Variants in KIF26B observed in about 807,000 individuals in gnomAD.
The protein encoded by KIF26B is kinesin family member 26B.
In KIF26B, 63 loss-of-function variants were observed where a neutral mutation model predicts 151.2. The observed-to-expected ratio is 0.42, with a 90% CI of 0.34 to 0.51. The LOEUF (loss-of-function observed/expected upper bound fraction) is 0.51, where lower values mean the gene tolerates loss of function less well. KIF26B is among the 20% of genes least tolerant of loss of function. The pLI is 0.07. For missense variants in KIF26B, 2,813 were observed against 2,913.6 expected, an observed-to-expected ratio of 0.97 and a Z score of 0.79; for synonymous variants, 1,357 against 1,262.1, an observed-to-expected ratio of 1.08 and a Z score of -1.59.
chr1:245,314,294 A>C (rs960369696), intron 2 of KIF26B, among the ~76,000 whole-genome samples: 43 of 151,482 alleles, frequency 2.8e-4, no homozygotes, highest in African/African-American at 9.7e-4. Flanking sequence ...CTAAAAATAC[A>C]AAAAAAAATT....
At chr1:245,670,133 AATAAAT>A (rs1282016361) in intron 10 of KIF26B, among the ~76,000 whole-genome samples, 1 of 152,086 alleles carries the variant, frequency 6.6e-6, no homozygotes, top group Non-Finnish European at 1.5e-5. Context: ...TATTAAATAA[AATAAAT>A]AAATATAAAC....
chr1:245,681,121 C>T (rs2044430445), intron 10 of KIF26B, among the ~76,000 whole-genome samples: 1 of 152,002 alleles, frequency 6.6e-6, no homozygotes, highest in Admixed American at 6.5e-5. Flanking sequence ...AGAATACACA[C>T]ACCCAGAAAA....
chr1:245,193,259 T>C (rs1194717019), intron 2 of KIF26B, among the ~76,000 whole-genome samples: 2 of 152,248 alleles, frequency 1.3e-5, no homozygotes, highest in African/African-American at 2.4e-5. Context: ...ATGAGCCACA[T>C]TTTCTTTATC....
intron 4 of KIF26B, among the ~76,000 whole-genome samples, chr1:245,430,994 A>G (rs1473893739): frequency 1.3e-5 from 2 of 152,314 alleles, no homozygotes; most frequent in East Asian, 3.9e-4. Flanking sequence ...AACACTCAAG[A>G]AATGTTTGTT....
chr1:245,322,217 T>C (rs1042759631), intron 2 of KIF26B, among the ~76,000 whole-genome samples: 1 of 151,236 alleles, frequency 6.6e-6, no homozygotes, highest in African/African-American at 2.4e-5. Context: ...CACCGGGGCC[T>C]GTGGGGGATG....
rs1163169323 is a variant in KIF26B at position 245,227,725 on chromosome 1, GTGT to G, written c.465+71043_465+71045del. On this transcript the variant is annotated intron_variant, in intron 2 of 14. Coordinates refer to ENST00000407071, the MANE Select transcript of KIF26B (RefSeq NM_018012.4). This position sits in a 1 kb window ranked among gnomAD's most constrained non-coding sequence, Gnocchi z 4.1. ...CATTAAAAAAACACTCTGAGGCTGG[GTGT>G]GGTGGCTCACGCCTGTGATTCCAGC... 6.6e-6 allele frequency among the ~76,000 whole-genome samples: 1 copy of G among 152,190 alleles called. No homozygotes were observed. Among genetic ancestry groups the G allele is most frequent in the Non-Finnish European group, 1.5e-5 (1 of 68,034 alleles).
chr1:245,462,842 CAGTGTG>C (rs1659679601), intron 4 of KIF26B, among the ~76,000 whole-genome samples: 2 of 94,054 alleles, frequency 2.1e-5, no homozygotes, highest in Non-Finnish European at 4.3e-5. Context: ...GTGAAGAAAT[CAGTGTG>C]AATGAATGAA....
intron 14 of KIF26B, 79 bp downstream of exon 14, chr1:245,699,116 C>G (rs1197365459): frequency 7.0e-7 from 1 of 1,432,280 alleles, no homozygotes; most frequent in African/African-American, 1.4e-5. Flanking sequence ...CCCAGGGTGA[C>G]AGTGACACAG....
intron 2 of KIF26B, chr1:245,353,895 G>A (rs908593476): frequency 1.3e-5 from 2 of 152,598 alleles, no homozygotes; most frequent in East Asian, 1.9e-4. Flanking sequence ...CAGGATGGAC[G>A]GTGAAATTCT....
chr1:245,235,297 G>A (rs555636769), intron 2 of KIF26B, among the ~76,000 whole-genome samples: 7 of 152,186 alleles, frequency 4.6e-5, no homozygotes, highest in African/African-American at 1.2e-4. Context: ...TTAAATTTCC[G>A]TTAAGACATA....
chr1:245,187,699 TG>T (rs1669023768), intron 2 of KIF26B, among the ~76,000 whole-genome samples: 1 of 152,096 alleles, frequency 6.6e-6, no homozygotes, highest in Non-Finnish European at 1.5e-5. Context: ...GTTTTCTGAG[TG>T]GGTTTGAGTA....
intron 10 of KIF26B, among the ~76,000 whole-genome samples, chr1:245,648,241 G>A (rs2043975035): frequency 6.6e-6 from 1 of 152,184 alleles, no homozygotes; most frequent in South Asian, 2.1e-4. Flanking sequence ...ATAAATAGTT[G>A]TTGAATTGAT....
intron 14 of KIF26B, among the ~76,000 whole-genome samples, chr1:245,699,992 C>T (rs2044748261): frequency 6.6e-6 from 1 of 152,214 alleles, no homozygotes; most frequent in South Asian, 2.1e-4. Context: ...CCCAGCTGTG[C>T]CTTCCACATG....
At chr1:245,403,010 C>T (rs1674044185) in intron 3 of KIF26B, among the ~76,000 whole-genome samples, 1 of 152,096 alleles carries the variant, frequency 6.6e-6, no homozygotes, top group South Asian at 2.1e-4. Context: ...ACTCTGTTGC[C>T]CATGCTGGAG....
intron 2 of KIF26B, among the ~76,000 whole-genome samples, chr1:245,309,915 T>C (rs1671634276): frequency 6.8e-6 from 1 of 146,764 alleles, no homozygotes; most frequent in Admixed American, 6.9e-5. Flanking sequence ...TCTTACTATA[T>C]ATATAAATCA....
intron 2 of KIF26B, among the ~76,000 whole-genome samples, chr1:245,308,160 G>A (rs978743784): frequency 3.3e-5 from 5 of 152,212 alleles, no homozygotes; most frequent in African/African-American, 1.2e-4. Context: ...CTCTGGGTTA[G>A]GGGAGAAGTA....
At chr1:245,431,075 G>A (rs1658765598) in intron 4 of KIF26B, among the ~76,000 whole-genome samples, 1 of 152,204 alleles carries the variant, frequency 6.6e-6, no homozygotes, top group African/African-American at 2.4e-5. Context: ...GCAATGGACA[G>A]GGGTCATTAA....
intron 2 of KIF26B, among the ~76,000 whole-genome samples, chr1:245,356,048 G>T (rs1055413259): frequency 5.9e-5 from 9 of 152,112 alleles, no homozygotes; most frequent in African/African-American, 1.9e-4. Flanking sequence ...GATACAGGGG[G>T]TCTGAGAGGG....
chr1:245,690,863 C>T (rs1194913335), intron 12 of KIF26B, among the ~76,000 whole-genome samples: 1 of 152,152 alleles, frequency 6.6e-6, no homozygotes, highest in Non-Finnish European at 1.5e-5. Context: ...AGAGCCATTC[C>T]GTGTAACGTA....
Sources: gnomAD v4.1 joint callset for allele counts (sites outside exome capture counted in the v4.1 genomes callset) on GRCh38, gnomAD v4.1.1 for gene constraint, Gnocchi (gnomAD v3.1) non-coding constraint, MANE v1.5 for transcripts, NCBI Gene and HGNC (gene_info 2026-07-23, HGNC 2026-07-21) for gene names.